Variants in NEMF observed in about 807,000 individuals in gnomAD.
The protein encoded by NEMF is nuclear export mediator factor.
In NEMF, 89 loss-of-function variants were observed where a neutral mutation model predicts 162.2. That is an observed-to-expected ratio of 0.55 (90% CI 0.46 to 0.65). The LOEUF is 0.65. Among genes scored for constraint, NEMF ranks in the 30% least tolerant of loss-of-function variants. The pLI, the probability that NEMF is intolerant of heterozygous loss-of-function variation, is 0.00. For synonymous variants in NEMF, 421 were observed against 404.5 expected (o/e 1.04, Z -0.49); for missense variants, 1,133 against 1,261.9 (o/e 0.90, Z 1.55).
chr14:49,807,472 ATCATTGTCCAT>A (rs1891269260), intron 18 of NEMF, among the ~76,000 whole-genome samples: 2 of 152,116 alleles, frequency 1.3e-5, no homozygotes, highest in South Asian at 4.1e-4. Flanking sequence ...CAGCAGCTGT[ATCATTGTCCAT>A]TCCTACCAGC....
chr14:49,782,648 C>T lies in NEMF; in HGVS notation c.*1988G>A. 2 of 1,459,832 alleles carry T rather than the reference C, an allele frequency of 1.4e-6. No homozygotes were observed. Among genetic ancestry groups the T allele is most frequent in the Non-Finnish European group, 1.9e-6 (2 of 1,067,178 alleles). The allele number at this position is 1,459,832 out of a possible 1,614,324, so 90.4% of individuals were successfully genotyped here. A position where few individuals can be genotyped will look rare whatever the true frequency, so the allele number is the denominator to read the frequency against. On this transcript the variant is annotated 3_prime_UTR_variant, in exon 33 of 33. Transcript: ENST00000298310. ...TTATTTAAAATTGTGTTTCCTAAGA[C>T]TTAGCACTCTCGAAAAACTAGGTTT...
chr14:49,789,733 T>C (rs894481479), intron 26 of NEMF, among the ~76,000 whole-genome samples, 160 bp from the exon 27 acceptor site: 1 of 152,236 alleles, frequency 6.6e-6, no homozygotes, highest in African/African-American at 2.4e-5. Flanking sequence ...GTTGGATAAC[T>C]GAAGTCCTCA....
At chr14:49,819,916 G>A (rs1265987015) in intron 16 of NEMF, among the ~76,000 whole-genome samples, 2 of 151,874 alleles carry the variant, frequency 1.3e-5, no homozygotes, top group African/African-American at 4.8e-5. Context: ...GATTTCAGAG[G>A]ATTAGAATGC....
intron 23 of NEMF, among the ~76,000 whole-genome samples, chr14:49,799,987 C>T (rs1443128311): frequency 2.0e-5 from 3 of 152,196 alleles, no homozygotes; most frequent in Non-Finnish European, 2.9e-5. Context: ...GAAACTGAAG[C>T]TTAAGCACAA....
At chr14:49,820,477 G>A (rs1181742147) in intron 16 of NEMF, 5 of 456,522 alleles carry the variant, frequency 1.1e-5, no homozygotes, top group Non-Finnish European at 2.2e-5. Flanking sequence ...TGTATCAAGA[G>A]CTAATAATCG....
chr14:49,795,877 C>G lies in NEMF; in HGVS notation c.2533G>C (p.Glu845Gln). ...TCAATGTGTACAGTACTTTCTTTTT[C>G]TTTATCCTTTCCCTCTAACGCTTCT... The part of the protein sequence containing the change: ...DLEALEGKDK[E>Q]KESTVHIETH... Residue 845 changes from glutamate to glutamine, a missense_variant, in exon 26 of 33, where the codon GAA becomes CAA. Physicochemically the swap from Glu to Gln is conservative, Grantham distance 29. Coordinates refer to ENST00000298310, the MANE Select transcript of NEMF (RefSeq NM_004713.6). 4 of 1,613,216 alleles carry G rather than the reference C, an allele frequency of 2.5e-6. No homozygotes were observed. The highest frequency in any genetic ancestry group is 3.4e-6 in the Non-Finnish European group (4 of 1,179,566).
chr14:49,845,096 AGTT>A (rs899003834), intron 4 of NEMF, among the ~76,000 whole-genome samples: 3 of 148,180 alleles, frequency 2.0e-5, no homozygotes, highest in African/African-American at 5.0e-5. Flanking sequence ...TTAGTTAGTT[AGTT>A]AGTTTATTTT....
chr14:49,838,168 A>G lies in NEMF; in HGVS notation c.545T>C (p.Leu182Pro), dbSNP rs1170706468. 3.1e-6 allele frequency: 5 copies of G among 1,613,844 alleles called. No individual in the cohort carries two copies. Among genetic ancestry groups the G allele is most frequent in the Non-Finnish European group, 4.2e-6 (5 of 1,179,862 alleles). The change falls in exon 6 of 33, where the codon CTA becomes CCA. Residue 182 changes from leucine (L) to proline (P), a missense_variant. By Grantham distance (98) the Leu-to-Pro change is moderately conservative. This residue lies in a region of NEMF where 582 missense variants were observed against 631.5 expected (regional missense o/e 0.92). Coordinates refer to ENST00000298310, the MANE Select transcript of NEMF (RefSeq NM_004713.6). ...TAATGGGTTAAGCACCCTCTTCAGT[A>G]GTTCACCCTTAGGTGCGCTGGCTAC... ...EIVASAPKGE[L>P]LKRVLNPLLP...
intron 4 of NEMF, among the ~76,000 whole-genome samples, chr14:49,842,613 C>T (rs1295561912): frequency 6.6e-6 from 1 of 152,200 alleles, no homozygotes; most frequent in Non-Finnish European, 1.5e-5. Flanking sequence ...ATCCCAAATT[C>T]ATCTGAAATG....
In NEMF at chr14:49,851,635, T is replaced by C; in HGVS notation, c.159A>G (p.Glu53=). The change falls in exon 3 of 33, where the codon GAA becomes GAG. Residue 53 remains glutamate (E), a synonymous_variant. Transcript: ENST00000298310. ...CTGTTGTATGAATTCGTATGCCAGA[T>C]TCAAGTAAAAGTGTAGCTTTAAAGT... ...KPDFKATLLL[E]SGIRIHTTEF... 6.2e-7 allele frequency: 1 copy of C among 1,613,998 alleles called. No individual in the cohort carries two copies. The highest frequency in any genetic ancestry group is 8.5e-7 in the Non-Finnish European group (1 of 1,179,946).
chr14:49,798,769 T>C (rs1394394193), intron 25 of NEMF, among the ~76,000 whole-genome samples: 1 of 151,892 alleles, frequency 6.6e-6, no homozygotes, highest in African/African-American at 2.4e-5. Context: ...TAGCCGGGCA[T>C]GGTGGTGGGC....
intron 26 of NEMF, among the ~76,000 whole-genome samples, chr14:49,794,027 A>G (rs1890574073): frequency 6.6e-6 from 1 of 152,052 alleles, no homozygotes; most frequent in Non-Finnish European, 1.5e-5. Context: ...TGAATATTTC[A>G]TATCTTCTCA....
At chr14:49,826,060 C>T (rs1892324023) in intron 15 of NEMF, 105 bp from the exon 16 acceptor site, 2 of 617,168 alleles carry the variant, frequency 3.2e-6, no homozygotes, top group African/African-American at 1.8e-5. Flanking sequence ...CAAAATGGCA[C>T]AATCTACACA....
At chr14:49,803,799 C>G (rs889167636) in intron 19 of NEMF, among the ~76,000 whole-genome samples, 1 of 152,062 alleles carries the variant, frequency 6.6e-6, no homozygotes, top group Non-Finnish European at 1.5e-5. Flanking sequence ...GCTGGGATTA[C>G]AGGCGTGAGC....
intron 3 of NEMF, among the ~76,000 whole-genome samples, chr14:49,848,503 C>A (rs866417131): frequency 6.6e-5 from 10 of 151,976 alleles, no homozygotes; most frequent in African/African-American, 2.4e-4. Flanking sequence ...ATATAAAAGA[C>A]CCTTTAGTTA....
At position 49,828,572 on chromosome 14, in the gene NEMF, T is replaced by C. The variant is rs376171386; in HGVS notation, c.1424+44A>G. ...AAAATGTCCTTAATTCCTTAATTTA[T>C]TGCAGATAACACTTGGCCTAAAATG... On this transcript the variant is annotated intron_variant, in intron 14 of 32. Transcript: ENST00000298310. 1.9e-5 allele frequency: 26 copies of C among 1,404,238 alleles called. No homozygotes were observed. The African/African-American group carries it at 2.9e-4, about 16-fold the overall frequency. 87.0% of individuals were successfully genotyped at this position (1,404,238 alleles called of 1,614,324 possible).
At position 49,795,894 on chromosome 14, in the gene NEMF, A is replaced by G; in HGVS notation, c.2516T>C (p.Leu839Ser). 1 of 1,612,318 alleles carries G rather than the reference A, an allele frequency of 6.2e-7. No homozygotes were observed. Among genetic ancestry groups the G allele is most frequent in the Middle Eastern group, 1.7e-4 (1 of 6,060 alleles). ...TTCTTTTTCTTTATCCTTTCCCTCT[A>G]ACGCTTCTAAATCTCCTGAGTCACT... ...LPSDSGDLEALEGKDKEKEST... is the reference protein window; with the variant it reads ...LPSDSGDLEASEGKDKEKEST... Residue 839 changes from leucine (L) to serine (S), a missense_variant, in exon 26 of 33, where the codon TTA becomes TCA. By Grantham distance (145) the Leu-to-Ser change is moderately radical (BLOSUM62 -2). Transcript: ENST00000298310.
chr14:49,782,291 T>G lies in NEMF; in HGVS notation c.*2345A>C. 1.2e-6 allele frequency: 1 copy of G among 860,738 alleles called. No individual in the cohort carries two copies. The highest frequency in any genetic ancestry group is 1.8e-6 in the Non-Finnish European group (1 of 541,982). The allele number at this position is 860,738 out of a possible 1,614,324, so 53.3% of individuals were successfully genotyped here. A position where few individuals can be genotyped will look rare whatever the true frequency, so the allele number is the denominator to read the frequency against. Reference sequence around the variant, plus strand: ...CTACCTTAAGATCGCTAGTCTTTATTTCATAGCTCTATTCTGTAGTATAAA... The same window carrying G: ...CTACCTTAAGATCGCTAGTCTTTATGTCATAGCTCTATTCTGTAGTATAAA... On this transcript the variant is annotated 3_prime_UTR_variant, in exon 33 of 33. Transcript: ENST00000298310.
At chr14:49,796,280 T>C (rs553755131) in intron 25 of NEMF, 2 of 471,818 alleles carry the variant, frequency 4.2e-6, no homozygotes, top group East Asian at 1.3e-4. Flanking sequence ...CAACATAGCA[T>C]TGGCAGGTCT....
Sources: gnomAD v4.1 joint callset for allele counts (sites outside exome capture counted in the v4.1 genomes callset) on GRCh38, gnomAD v4.1.1 for gene constraint, gnomAD v4.1.1 regional missense constraint, MANE v1.5 for transcripts, NCBI Gene and HGNC (gene_info 2026-07-23, HGNC 2026-07-21) for gene names.